ILDR2: variants seen among roughly 807,000 people sequenced by gnomAD.
The protein encoded by ILDR2 is immunoglobulin like domain containing receptor 2, also known as immunoglobulin-like domain-containing receptor 2.
Under a neutral mutation model 66.8 loss-of-function variants are expected in ILDR2, and 25 were observed. The ratio of observed to expected loss-of-function variants is 0.37; its 90% confidence interval spans 0.27 to 0.52. The LOEUF (loss-of-function observed/expected upper bound fraction) is 0.52, where lower values mean the gene tolerates loss of function less well. Among genes scored for constraint, ILDR2 ranks in the 20% least tolerant of loss-of-function variants. The pLI is 0.88. For missense variants in ILDR2, 827 were observed against 876.8 expected (o/e 0.94, Z 0.72); for synonymous variants, 367 against 357.2 (o/e 1.03, Z -0.31).
At chr1:166,938,920 C>CA (rs1661142815) in intron 4 of ILDR2, among the ~76,000 whole-genome samples, 1 of 152,172 alleles carries the variant, frequency 6.6e-6, no homozygotes, top group Non-Finnish European at 1.5e-5. Flanking sequence ...CATAAAAAGA[C>CA]AGAGATGTAT....
rs1659727181 is a variant in ILDR2, at chr1:166,918,526, G to C, written c.*829C>G. Reference sequence around the variant, plus strand: ...CATTCAATGACAATCTAATCAGAGTGCAGAGGGAGGCAGGGCTGTGTGTGT... The same window carrying C: ...CATTCAATGACAATCTAATCAGAGTCCAGAGGGAGGCAGGGCTGTGTGTGT... On this transcript the variant is annotated 3_prime_UTR_variant, in exon 10 of 10. Coordinates refer to ENST00000271417, the MANE Select transcript of ILDR2 (RefSeq NM_199351.3). The C allele has an allele frequency of 6.6e-6, 1 of 152,216 alleles. No homozygotes were observed. The highest frequency in any genetic ancestry group is 1.5e-5 in the Non-Finnish European group (1 of 68,064). The allele number at this position is 152,216 out of a possible 1,614,324, so 9.4% of individuals were successfully genotyped here. A position where few individuals can be genotyped will look rare whatever the true frequency, so the allele number is the denominator to read the frequency against.
chr1:166,938,451 T>G (rs1661113481), intron 4 of ILDR2, among the ~76,000 whole-genome samples: 1 of 152,216 alleles, frequency 6.6e-6, no homozygotes. Context: ...AGCACTGCAA[T>G]GTAACATTGT....
In ILDR2 at chr1:166,909,682, T is replaced by C. The variant is rs1659420525; in HGVS notation, c.*9673A>G. ...CTACATTCAGTTGAACAAAGCGTTT[T>C]TCCAAAAACAAGGTTAATAGAAATT... On this transcript the variant is annotated 3_prime_UTR_variant, in exon 10 of 10. Transcript: ENST00000271417. 1 of 147,622 alleles carries C rather than the reference T, an allele frequency of 6.8e-6. No individual in the cohort carries two copies. The highest frequency in any genetic ancestry group is 2.5e-5 in the African/African-American group (1 of 39,964). 9.1% of individuals were successfully genotyped at this position (147,622 alleles called of 1,614,324 possible).
At position 166,975,272 on chromosome 1, in the gene ILDR2, C is replaced by T; in HGVS notation, c.-4G>A. Reference sequence around the variant, plus strand: ...ACCTCAGCAAGACCCTATCCATCTTCCCCAACTTCCCAGCCGAATTACGGA... The same window carrying T: ...ACCTCAGCAAGACCCTATCCATCTTTCCCAACTTCCCAGCCGAATTACGGA... On this transcript the variant is annotated 5_prime_UTR_variant, in exon 1 of 10. Transcript: ENST00000271417. 6.2e-7 allele frequency: 1 copy of T among 1,613,062 alleles called. No homozygotes were observed. Among genetic ancestry groups the T allele is most frequent in the Non-Finnish European group, 8.5e-7 (1 of 1,179,194 alleles).
intron 7 of ILDR2, among the ~76,000 whole-genome samples, chr1:166,925,729 A>AC (rs940872506): frequency 2.6e-5 from 4 of 151,838 alleles, no homozygotes; most frequent in African/African-American, 9.7e-5. Context: ...CATCTCTAAG[A>AC]CCCCCTTTGA....
intron 1 of ILDR2, among the ~76,000 whole-genome samples, chr1:166,959,276 A>T (rs913836626): frequency 6.6e-6 from 1 of 152,116 alleles, no homozygotes; most frequent in Non-Finnish European, 1.5e-5. Context: ...ATTTACTCTC[A>T]CAGTCTTCCG....
At chr1:166,938,932 T>A (rs1297207411) in intron 4 of ILDR2, among the ~76,000 whole-genome samples, 1 of 152,252 alleles carries the variant, frequency 6.6e-6, no homozygotes. Flanking sequence ...GAGATGTATG[T>A]TCGTCCCAGA....
intron 6 of ILDR2, 101 bp downstream of exon 6, chr1:166,935,199 AT>A: frequency 8.6e-7 from 1 of 1,166,300 alleles, no homozygotes; most frequent in Non-Finnish European, 1.3e-6. Context: ...AGAGAAAACT[AT>A]TTTCCAAAGA....
Position 166,909,324 on chromosome 1 carries a change from G to T in ILDR2, c.*10031C>A, listed in dbSNP as rs958089825. 1 of 152,082 alleles carries T rather than the reference G, an allele frequency of 6.6e-6. No individual in the cohort carries two copies. Among genetic ancestry groups the T allele is most frequent in the Admixed American group, 6.5e-5 (1 of 15,268 alleles). The allele number at this position is 152,082 out of a possible 1,614,324, so 9.4% of individuals were successfully genotyped here. A position where few individuals can be genotyped will look rare whatever the true frequency, so the allele number is the denominator to read the frequency against. On this transcript the variant is annotated 3_prime_UTR_variant, in exon 10 of 10. Coordinates refer to ENST00000271417, the MANE Select transcript of ILDR2 (RefSeq NM_199351.3). ...ATGTATTGATGTAAAAACACAAGTAGGTGTGGATGATGGACAGGGAATCTT... is the reference window on the plus strand; with the variant it reads ...ATGTATTGATGTAAAAACACAAGTATGTGTGGATGATGGACAGGGAATCTT...
In ILDR2 at chr1:166,909,781, T is replaced by TATATATATATAAATATATATAAATATATA. The variant is rs1557921377; in HGVS notation, c.*9573_*9574insTATATATTTATATATATTTATATATATAT. ...TATAAATATATATAAATATATATAT[T>TATATATATATAAATATATATAAATATATA]TATATATATATATATATATATATAT... On this transcript the variant is annotated 3_prime_UTR_variant, in exon 10 of 10. Coordinates refer to ENST00000271417, the MANE Select transcript of ILDR2 (RefSeq NM_199351.3). 4.7e-5 allele frequency: 3 copies of TATATATATATAAATATATATAAATATATA among 64,246 alleles called. No homozygotes were observed. The highest frequency in any genetic ancestry group is 1.4e-4 in the African/African-American group (2 of 14,428). The allele number at this position is 64,246 out of a possible 1,614,324, so 4.0% of individuals were successfully genotyped here.
rs779768036 is a variant in ILDR2, at chr1:166,921,143, C to A, written c.1448G>T (p.Arg483Leu). Reference protein sequence around the residue: ...SLEEYYGQRSRSREPLTDADR... With the variant: ...SLEEYYGQRSLSREPLTDADR... ...AGCATCGGTCAGGGGCTCGCGGCTG[C>A]GGCTGCGCTGACCGTAGTACTCCTC... Residue 483 changes from arginine to leucine, a missense_variant, in exon 9 of 10, where the codon CGC becomes CTC. This residue lies in a region of ILDR2 where 390 missense variants were observed against 353.6 expected (regional missense o/e 1.10). Coordinates refer to ENST00000271417, the MANE Select transcript of ILDR2 (RefSeq NM_199351.3). This position sits in a 1 kb window ranked among gnomAD's most constrained non-coding sequence, Gnocchi z 5.3. The A allele has an allele frequency of 2.0e-6, 3 of 1,531,862 alleles. No individual in the cohort carries two copies. The highest frequency in any genetic ancestry group is 3.9e-5 in the Admixed American group (2 of 50,790). 94.9% of individuals were successfully genotyped at this position (1,531,862 alleles called of 1,614,324 possible).
intron 5 of ILDR2, among the ~76,000 whole-genome samples, chr1:166,935,805 C>T (rs1054441103): frequency 6.6e-6 from 1 of 152,204 alleles, no homozygotes; most frequent in Admixed American, 6.5e-5. Context: ...CTGGAGGCTG[C>T]CTCGGCCCCT....
At position 166,919,099 on chromosome 1, in the gene ILDR2, T is replaced by C. The variant is rs550602683; in HGVS notation, c.*256A>G. 2.1e-5 allele frequency: 11 copies of C among 517,998 alleles called. No homozygotes were observed. The East Asian group carries it at 2.4e-4, about 11-fold the overall frequency. 32.1% of individuals were successfully genotyped at this position (517,998 alleles called of 1,614,324 possible). ...AGGCTGGGCAGGATAAACGCTATAG[T>C]TGAGAAACTCTGTATGTAGGAATGT... On this transcript the variant is annotated 3_prime_UTR_variant, in exon 10 of 10. Transcript: ENST00000271417.
chr1:166,896,799 C>T (rs761296150), intron 2 of ILDR2, among the ~76,000 whole-genome samples: 2 of 151,954 alleles, frequency 1.3e-5, no homozygotes, highest in Admixed American at 6.6e-5. Context: ...CCACACCCAG[C>T]TAACTTTTTA....
chr1:166,922,006 A>C (rs1659977971), intron 8 of ILDR2, among the ~76,000 whole-genome samples: 1 of 152,190 alleles, frequency 6.6e-6, no homozygotes, highest in Non-Finnish European at 1.5e-5. Context: ...AGCACCTAGA[A>C]GTTTCCATTT....
At chr1:166,938,711 G>A (rs1661130951) in intron 4 of ILDR2, among the ~76,000 whole-genome samples, 1 of 152,176 alleles carries the variant, frequency 6.6e-6, no homozygotes, top group African/African-American at 2.4e-5. Flanking sequence ...TATCTCTGTT[G>A]CTATTAGGCA....
chr1:166,941,616 C>T (rs975031235), intron 3 of ILDR2, among the ~76,000 whole-genome samples: 1 of 152,120 alleles, frequency 6.6e-6, no homozygotes, highest in Non-Finnish European at 1.5e-5. Context: ...TCAATACATA[C>T]TGTTTTTTTA....
downstream of ILDR2, among the ~76,000 whole-genome samples, chr1:166,905,961 C>T (rs1331785415): frequency 1.3e-5 from 2 of 152,218 alleles, no homozygotes; most frequent in Non-Finnish European, 2.9e-5. Context: ...AGTTTTTTGG[C>T]AAGTCCCTTT....
chr1:166,926,381 C>T (rs1465756955), intron 7 of ILDR2, among the ~76,000 whole-genome samples: 1 of 151,966 alleles, frequency 6.6e-6, no homozygotes, highest in African/African-American at 2.4e-5. Flanking sequence ...GGGTTGGGGC[C>T]CGGCCACCTC....
Sources: gnomAD v4.1 joint callset for allele counts (sites outside exome capture counted in the v4.1 genomes callset) on GRCh38, gnomAD v4.1.1 for gene constraint, gnomAD v4.1.1 regional missense constraint, Gnocchi (gnomAD v3.1) non-coding constraint, MANE v1.5 for transcripts, NCBI Gene and HGNC (gene_info 2026-07-23, HGNC 2026-07-21) for gene names.